Variants in XRCC4 observed in about 807,000 individuals in gnomAD.
The protein encoded by XRCC4 is DNA repair protein XRCC4.
In XRCC4, 28 loss-of-function variants were observed where a neutral mutation model predicts 39.1. That is an observed-to-expected ratio of 0.72 (90% CI 0.53 to 0.98). XRCC4 has a LOEUF of 0.98. Among genes scored for constraint, XRCC4 ranks in the 50% least tolerant of loss-of-function variants. The probability of loss-of-function intolerance (pLI) is 0.00; values close to 1 mark genes in which losing one functional copy is unlikely to be tolerated. For missense variants in XRCC4, 350 were observed against 376.4 expected, an observed-to-expected ratio of 0.93 and a Z score of 0.58; for synonymous variants, 123 against 126.4, an observed-to-expected ratio of 0.97 and a Z score of 0.18.
At chr5:83,227,226 ATACTTAAAC>A (rs1752324697) in intron 6 of XRCC4, among the ~76,000 whole-genome samples, 1 of 152,112 alleles carries the variant, frequency 6.6e-6, no homozygotes, top group South Asian at 2.1e-4. Flanking sequence ...CCGTTGTCAG[ATACTTAAAC>A]GTAGTATTCC....
intron 7 of XRCC4, among the ~76,000 whole-genome samples, chr5:83,288,733 T>C (rs2112971549): frequency 6.6e-6 from 1 of 152,018 alleles, no homozygotes; most frequent in East Asian, 1.9e-4. Flanking sequence ...GGGTTTTCTG[T>C]AGTTTTTAAT....
At chr5:83,364,735 T>G in the XRCC4 span, among the ~76,000 whole-genome samples, 1 of 152,216 alleles carries the variant, frequency 6.6e-6, no homozygotes, top group African/African-American at 2.4e-5. Context: ...TTCATTACAC[T>G]TAATTAAAGA....
intron 6 of XRCC4, among the ~76,000 whole-genome samples, chr5:83,209,078 A>G (rs1751530354): frequency 9.2e-6 from 1 of 108,218 alleles, no homozygotes; most frequent in South Asian, 3.4e-4. Flanking sequence ...CCTGCCTCCA[A>G]AGTGAGTGTG....
chr5:83,281,323 CT>C (rs1427848601), intron 7 of XRCC4, among the ~76,000 whole-genome samples: 1 of 152,094 alleles, frequency 6.6e-6, no homozygotes, highest in Non-Finnish European at 1.5e-5. Flanking sequence ...AGTGTCAAGT[CT>C]TTTTAATGAG....
chr5:83,138,362 A>G (rs958101422), intron 3 of XRCC4, among the ~76,000 whole-genome samples: 5 of 152,122 alleles, frequency 3.3e-5, no homozygotes, highest in Non-Finnish European at 7.4e-5. Flanking sequence ...AGTCTAATAA[A>G]TTGGGAGTGG....
intron 2 of XRCC4, among the ~76,000 whole-genome samples, chr5:83,105,448 T>TG (rs1234222658): frequency 6.6e-6 from 1 of 152,152 alleles, no homozygotes; most frequent in East Asian, 1.9e-4. Flanking sequence ...AATGGGGTAG[T>TG]GGTGGGTTAT....
chr5:83,206,667 G>A (rs2112739212), intron 6 of XRCC4, among the ~76,000 whole-genome samples: 1 of 152,184 alleles, frequency 6.6e-6, no homozygotes, highest in South Asian at 2.1e-4. Flanking sequence ...AAGTATTTTT[G>A]TTTGTTGTTT....
Position 83,258,374 on chromosome 5 carries a change from A to C in XRCC4, c.746-156A>C, listed in dbSNP as rs574427015. On this transcript the variant is annotated intron_variant, in intron 6 of 7. Transcript: ENST00000396027. ...GGTAGTAAAGTATCATATGGCATCT[A>C]ACTGACTTGATTCAACAAATCTGCA... Among the ~76,000 whole-genome samples the C allele has an allele frequency of 7.9e-5, 12 of 152,294 alleles. No homozygotes were observed. In the East Asian group the frequency reaches 2.3e-3, roughly 29 times the overall value.
chr5:83,299,662 A>G (rs1458690439), intron 7 of XRCC4, among the ~76,000 whole-genome samples: 3 of 152,156 alleles, frequency 2.0e-5, no homozygotes, highest in Non-Finnish European at 2.9e-5. Flanking sequence ...TCTCTCAAAT[A>G]TGAGCAACTA....
chr5:83,250,690 C>CA (rs5869172), intron 6 of XRCC4, among the ~76,000 whole-genome samples: 152,355 of 152,356 alleles, frequency 1, 76,177 homozygotes, highest in Middle Eastern at 1. Context: ...ATTTTAAAGC[C>CA]AGGCTTTTCT....
chr5:83,333,826 G>C (rs1052775719), intron 7 of XRCC4, among the ~76,000 whole-genome samples: 1 of 150,242 alleles, frequency 6.7e-6, no homozygotes, highest in African/African-American at 2.5e-5. Flanking sequence ...CTGGAGTGCA[G>C]TGGCACAATC....
intron 4 of XRCC4, chr5:83,202,042 C>CA (rs796210901): frequency 0.14 from 16,062 of 117,212 alleles, 1,527 homozygotes; most frequent in African/African-American, 0.28. Context: ...AAGTCTGTCT[C>CA]AAAAAAAAAA....
In XRCC4 at chr5:83,104,857, T is replaced by C. The variant is rs1746118511; in HGVS notation, c.-10-53T>C. ...AGCTGAGAGGCCAGTACAGAAAACA[T>C]TATTTGAGTTACAGTTTCTTTTAAA... On this transcript the variant is annotated intron_variant, in intron 1 of 7. Coordinates refer to ENST00000396027, the MANE Select transcript of XRCC4 (RefSeq NM_003401.5). 7 of 1,556,230 alleles carry C rather than the reference T, an allele frequency of 4.5e-6. No homozygotes were observed. The Admixed American group carries it at 1.0e-4, about 23-fold the overall frequency.
At chr5:83,153,085 C>T (rs1748791348) in intron 3 of XRCC4, among the ~76,000 whole-genome samples, 1 of 152,164 alleles carries the variant, frequency 6.6e-6, no homozygotes, top group South Asian at 2.1e-4. Flanking sequence ...ATGATTTTGT[C>T]ATTTCAAGAA....
At chr5:83,113,887 A>G (rs900576383) in intron 3 of XRCC4, among the ~76,000 whole-genome samples, 4 of 152,076 alleles carry the variant, frequency 2.6e-5, no homozygotes, top group Admixed American at 6.5e-5. Context: ...CAGCCCCCCA[A>G]AGTGCTGGGA....
intron 1 of XRCC4, among the ~76,000 whole-genome samples, chr5:83,079,914 A>T (rs1009987507): frequency 6.6e-6 from 1 of 152,144 alleles, no homozygotes; most frequent in Non-Finnish European, 1.5e-5. Flanking sequence ...TTAAAATCGT[A>T]TGTAAAAATA....
chr5:83,312,443 T>C lies in XRCC4; in HGVS notation c.894-40688T>C, dbSNP rs117685872. Among the ~76,000 whole-genome samples, 64 of 152,262 alleles carry C rather than the reference T, an allele frequency of 4.2e-4. No individual in the cohort carries two copies. The East Asian group carries it at 0.012, about 28-fold the overall frequency. On this transcript the variant is annotated intron_variant, in intron 7 of 7. Transcript: ENST00000396027. ...CAATATAAATTAATAGAATTAACCA[T>C]GGAGAGATCACCTGTTGTGTGAGGA...
intron 3 of XRCC4, among the ~76,000 whole-genome samples, chr5:83,192,607 G>A (rs1414866165): frequency 6.6e-6 from 1 of 152,032 alleles, no homozygotes; most frequent in Admixed American, 6.6e-5. Context: ...CACCGCACCT[G>A]GCCGATTATC....
intron 1 of XRCC4, among the ~76,000 whole-genome samples, chr5:83,083,904 G>T (rs1745070267): frequency 6.6e-6 from 1 of 152,078 alleles, no homozygotes; most frequent in Non-Finnish European, 1.5e-5. Context: ...TGTAACTCAA[G>T]GAAGCCTTCC....
Sources: allele counts gnomAD v4.1 joint callset (sites outside exome capture counted in the v4.1 genomes callset), GRCh38; gene constraint gnomAD v4.1.1; transcripts MANE v1.5; gene names NCBI Gene and HGNC (gene_info 2026-07-23, HGNC 2026-07-21).